Variants in DGKB observed in about 807,000 individuals in gnomAD.
The protein encoded by DGKB is 90 kDa diacylglycerol kinase.
Under a neutral mutation model 114.3 loss-of-function variants are expected in DGKB, and 67 were observed. The ratio of observed to expected loss-of-function variants is 0.59; its 90% CI spans 0.48 to 0.72. The LOEUF is 0.72. Among genes scored for constraint, DGKB ranks in the 30% least tolerant of loss-of-function variants. The pLI, the probability that DGKB is intolerant of heterozygous loss-of-function variation, is 0.00. For synonymous variants in DGKB, 398 were observed against 323.1 expected, an observed-to-expected ratio of 1.23 and a Z score of -2.49; for missense variants, 907 against 975.2, an observed-to-expected ratio of 0.93 and a Z score of 0.93.
At chr7:14,154,847 CTT>C (rs58040824) in intron 25 of DGKB, among the ~76,000 whole-genome samples, 38 of 143,292 alleles carry the variant, frequency 2.7e-4, no homozygotes, top group African/African-American at 8.2e-4. Context: ...ATACATTCTG[CTT>C]TTTTTTTTTT....
intron 23 of DGKB, among the ~76,000 whole-genome samples, chr7:14,301,669 A>G (rs1237858553): frequency 2.6e-5 from 4 of 152,144 alleles, no homozygotes; most frequent in Non-Finnish European, 5.9e-5. Flanking sequence ...ATCTTTGTGT[A>G]TATATACATG....
chr7:14,858,592 A>G (rs1430169476), intron 1 of DGKB, among the ~76,000 whole-genome samples: 2 of 152,144 alleles, frequency 1.3e-5, no homozygotes, highest in African/African-American at 2.4e-5. Flanking sequence ...TGCAGTAATT[A>G]CTGGGTCTGC....
At chr7:14,456,207 G>A (rs1198365214) in intron 21 of DGKB, among the ~76,000 whole-genome samples, 4 of 151,766 alleles carry the variant, frequency 2.6e-5, no homozygotes, top group African/African-American at 7.3e-5. Context: ...TGATAGACTT[G>A]GGTCATATCA....
At chr7:14,475,793 T>G (rs771710128) in intron 21 of DGKB, among the ~76,000 whole-genome samples, 1 of 152,100 alleles carries the variant, frequency 6.6e-6, no homozygotes, top group Non-Finnish European at 1.5e-5. Flanking sequence ...AATCACATAC[T>G]GAGCAGTGAG....
intron 23 of DGKB, among the ~76,000 whole-genome samples, chr7:14,221,087 A>G (rs550253522): frequency 1.3e-5 from 2 of 151,472 alleles, no homozygotes; most frequent in African/African-American, 2.4e-5. Flanking sequence ...AAGATCTCCT[A>G]TATATAAGAA....
chr7:14,357,036 T>C (rs1159639283), intron 21 of DGKB, among the ~76,000 whole-genome samples: 2 of 152,338 alleles, frequency 1.3e-5, no homozygotes, highest in Non-Finnish European at 1.5e-5. Context: ...AATTTTGGAA[T>C]AAGTGCAATA....
At chr7:14,645,749 T>G (rs1377451908) in intron 13 of DGKB, among the ~76,000 whole-genome samples, 2 of 151,118 alleles carry the variant, frequency 1.3e-5, no homozygotes, top group African/African-American at 4.9e-5. Flanking sequence ...CAAAGCTATC[T>G]TAAAGAAATA....
At chr7:14,425,649 T>A (rs1313932486) in intron 21 of DGKB, among the ~76,000 whole-genome samples, 2 of 152,152 alleles carry the variant, frequency 1.3e-5, no homozygotes, top group Non-Finnish European at 2.9e-5. Context: ...AAGAGCAATG[T>A]CTCCTGCTTT....
intron 2 of DGKB, among the ~76,000 whole-genome samples, chr7:14,808,994 G>C (rs913959846): frequency 3.9e-5 from 6 of 152,060 alleles, no homozygotes; most frequent in African/African-American, 1.2e-4. Flanking sequence ...TGCAAATATT[G>C]TAGAAATAAA....
At chr7:14,606,040 G>C (rs1038975859) in intron 17 of DGKB, among the ~76,000 whole-genome samples, 1 of 152,072 alleles carries the variant, frequency 6.6e-6, no homozygotes, top group Non-Finnish European at 1.5e-5. Context: ...GATTAACTTG[G>C]TTTGATTCAA....
At chr7:14,400,589 T>G (rs1822946421) in intron 21 of DGKB, among the ~76,000 whole-genome samples, 1 of 151,470 alleles carries the variant, frequency 6.6e-6, no homozygotes, top group Non-Finnish European at 1.5e-5. Context: ...ACATTCAAAC[T>G]TTTTTTTATT....
chr7:14,850,936 T>C (rs1849268264), intron 1 of DGKB, among the ~76,000 whole-genome samples: 1 of 152,210 alleles, frequency 6.6e-6, no homozygotes, highest in Non-Finnish European at 1.5e-5. Context: ...TAAATCTATC[T>C]GAGCCTCACT....
chr7:14,951,328 G>A (rs1440592542), intron 1 of DGKB, among the ~76,000 whole-genome samples: 1 of 151,852 alleles, frequency 6.6e-6, no homozygotes, highest in Non-Finnish European at 1.5e-5. Context: ...TAAACACACT[G>A]GCAATAGGAA....
chr7:14,184,161 G>A (rs532230686), intron 23 of DGKB, among the ~76,000 whole-genome samples: 5 of 152,280 alleles, frequency 3.3e-5, no homozygotes, highest in East Asian at 3.9e-4. Flanking sequence ...CTAACTGGCC[G>A]TTCCTGCCTG....
chr7:14,727,134 G>T (rs912689814), intron 5 of DGKB, among the ~76,000 whole-genome samples: 1 of 152,042 alleles, frequency 6.6e-6, no homozygotes, highest in Non-Finnish European at 1.5e-5. Context: ...CTATTATTTA[G>T]TATGCAACCA....
At chr7:14,368,214 C>A (rs961563267) in intron 21 of DGKB, among the ~76,000 whole-genome samples, 3 of 151,752 alleles carry the variant, frequency 2.0e-5, no homozygotes, top group Non-Finnish European at 4.4e-5. Flanking sequence ...TGGACCTACA[C>A]TGACACATAA....
chr7:14,194,707 T>G (rs372475353), intron 23 of DGKB, among the ~76,000 whole-genome samples: 4 of 152,140 alleles, frequency 2.6e-5, no homozygotes. Flanking sequence ...ATATTCATAG[T>G]GGAAGCCTGA....
At chr7:14,449,514 A>G (rs1361587308) in intron 21 of DGKB, among the ~76,000 whole-genome samples, 6 of 152,022 alleles carry the variant, frequency 3.9e-5, no homozygotes, top group Non-Finnish European at 8.8e-5. Context: ...AATATACGCC[A>G]TGCAGGCCAC....
At chr7:14,277,748 T>C (rs1373947399) in intron 23 of DGKB, among the ~76,000 whole-genome samples, 1 of 152,240 alleles carries the variant, frequency 6.6e-6, no homozygotes, top group African/African-American at 2.4e-5. Flanking sequence ...CCTTTTGACA[T>C]ATTGATTTCA....
Sources: allele counts gnomAD v4.1 joint callset (sites outside exome capture counted in the v4.1 genomes callset), GRCh38; gene constraint gnomAD v4.1.1; transcripts MANE v1.5; gene names NCBI Gene and HGNC (gene_info 2026-07-23, HGNC 2026-07-21).